Variants in MON2 observed in about 807,000 individuals in gnomAD.
MON2 encodes the protein MON2 regulator of endosome-to-Golgi trafficking.
MON2 carries 84 observed loss-of-function variants against 208.6 expected under a neutral mutation model. That is an observed-to-expected ratio of 0.40 (90% CI 0.34 to 0.48). The LOEUF (loss-of-function observed/expected upper bound fraction) is 0.48, where lower values mean the gene tolerates loss of function less well. Ranked by LOEUF, MON2 falls within the 20% of genes least tolerant of loss-of-function variation. The probability of loss-of-function intolerance (pLI) is 0.59; values close to 1 mark genes in which losing one functional copy is unlikely to be tolerated. For missense variants in MON2, 1,611 were observed against 2,015.4 expected, an observed-to-expected ratio of 0.80 and a Z score of 3.84; for synonymous variants, 660 against 694.0, an observed-to-expected ratio of 0.95 and a Z score of 0.77.
intron 19 of MON2, among the ~76,000 whole-genome samples, chr12:62,542,408 C>T (rs558385263): frequency 2.6e-5 from 4 of 152,142 alleles, no homozygotes; most frequent in East Asian, 1.9e-4. Context: ...TGAAATACCA[C>T]GCCATCCACT....
chr12:62,524,559 G>C lies in MON2; in HGVS notation c.1029G>C (p.Leu343=). The change falls in exon 9 of 35, where the codon CTG becomes CTC. Residue 343 remains leucine, a synonymous_variant. Transcript: ENST00000393630. ...EIFLSLLVKF[L]DADKPQWLRA... ...TTCTGTCACTTCTGGTGAAATTTCT[G>C]GATGCAGATAAACCACAGTGGCTAC... 6.2e-7 allele frequency: 1 copy of C among 1,613,154 alleles called. No individual in the cohort carries two copies. The highest frequency in any genetic ancestry group is 8.5e-7 in the Non-Finnish European group (1 of 1,179,280).
chr12:62,523,642 T>C (rs1406110922), intron 8 of MON2, among the ~76,000 whole-genome samples: 2 of 152,172 alleles, frequency 1.3e-5, no homozygotes, highest in South Asian at 2.1e-4. Context: ...TGAGGGCTAC[T>C]ATATTTCCCC....
Position 62,536,694 on chromosome 12 carries a change from G to GT in MON2, c.1901-444dup, listed in dbSNP as rs796857487. ...CCTCATGAAGTTTTTGTGTTTTTTT[G>GT]TTTTTTTTTTTTTGAGACAGAGTCA... On this transcript the variant is annotated intron_variant, in intron 14 of 34. Transcript: ENST00000393630. Among the ~76,000 whole-genome samples, 447 of 139,952 alleles carry GT rather than the reference G, an allele frequency of 3.2e-3. 1 individual carries two copies. The highest frequency in any genetic ancestry group is 4.3e-3 in the African/African-American group (167 of 38,472). 91.8% of individuals were successfully genotyped at this position (139,952 alleles called of 152,430 possible).
At chr12:62,502,226 G>C (rs1330105902) in intron 7 of MON2, among the ~76,000 whole-genome samples, 1 of 151,748 alleles carries the variant, frequency 6.6e-6, no homozygotes, top group East Asian at 1.9e-4. Flanking sequence ...TCTCAAAAAA[G>C]ATAAATAAAA....
At chr12:62,486,650 T>A (rs2136015337) in intron 2 of MON2, among the ~76,000 whole-genome samples, 1 of 152,276 alleles carries the variant, frequency 6.6e-6, no homozygotes, top group East Asian at 1.9e-4. Context: ...TTAGTCAGTA[T>A]ATAGTTTCTA....
intron 24 of MON2, among the ~76,000 whole-genome samples, chr12:62,553,555 C>T (rs2073840662): frequency 6.6e-6 from 1 of 152,004 alleles, no homozygotes; most frequent in African/African-American, 2.4e-5. Context: ...CTTTTGAGGT[C>T]TACTTATAGA....
intron 7 of MON2, among the ~76,000 whole-genome samples, chr12:62,506,553 C>G (rs1012255657): frequency 6.6e-6 from 1 of 151,988 alleles, no homozygotes; most frequent in Non-Finnish European, 1.5e-5. Flanking sequence ...TGGTGAAACC[C>G]CGTCTCTACT....
chr12:62,548,292 T>C (rs10444576), intron 22 of MON2, among the ~76,000 whole-genome samples: 36,089 of 151,972 alleles, frequency 0.24, 4,835 homozygotes, highest in Middle Eastern at 0.4. Flanking sequence ...AAAATAGCAA[T>C]CAGGAGTGAC....
chr12:62,553,274 C>T, intron 24 of MON2, 100 bp downstream of exon 24: 1 of 1,143,806 alleles, frequency 8.7e-7, no homozygotes, highest in Non-Finnish European at 1.2e-6. Flanking sequence ...TAAAGAATTT[C>T]CATGCATTTG....
intron 30 of MON2, among the ~76,000 whole-genome samples, chr12:62,577,718 C>T (rs1456697993): frequency 2.0e-5 from 3 of 152,052 alleles, no homozygotes; most frequent in Non-Finnish European, 2.9e-5. Flanking sequence ...GAGATTAATA[C>T]AAATAAAGCT....
At chr12:62,557,829 T>C (rs890731311) in intron 25 of MON2, among the ~76,000 whole-genome samples, 3 of 149,822 alleles carry the variant, frequency 2.0e-5, no homozygotes, top group Non-Finnish European at 4.4e-5. Flanking sequence ...TACAGTGAAA[T>C]GCACAAATTT....
chr12:62,577,320 G>T (rs2074830012), intron 30 of MON2, among the ~76,000 whole-genome samples: 1 of 151,986 alleles, frequency 6.6e-6, no homozygotes, highest in Non-Finnish European at 1.5e-5. Context: ...ATGAGAAATG[G>T]ACTGAGTCTG....
chr12:62,555,562 C>T (rs924214102), intron 24 of MON2, among the ~76,000 whole-genome samples: 1 of 152,120 alleles, frequency 6.6e-6, no homozygotes, highest in Admixed American at 6.5e-5. Flanking sequence ...GTAATCCCAA[C>T]ACTTTGGGAG....
At chr12:62,494,797 A>G (rs2070381112) in intron 3 of MON2, among the ~76,000 whole-genome samples, 1 of 152,230 alleles carries the variant, frequency 6.6e-6, no homozygotes, top group Non-Finnish European at 1.5e-5. Context: ...ATTTGTATAT[A>G]TTCAAATAGG....
rs550942698 is a variant in MON2 at position 62,552,347 on chromosome 12, C to A, written c.2917-534C>A. Among the ~76,000 whole-genome samples, 728 of 152,262 alleles carry A rather than the reference C, an allele frequency of 4.8e-3. 2 individuals carry two copies. Among genetic ancestry groups the A allele is most frequent in the Non-Finnish European group, 7.3e-3 (498 of 68,014 alleles). On this transcript the variant is annotated intron_variant, in intron 23 of 34. Coordinates refer to ENST00000393630, the MANE Select transcript of MON2 (RefSeq NM_015026.3). ...TAGTGCAACATTGCTTAAATTACTGCTGGATAGCACCTCCTTTATTTTACA... is the reference window on the plus strand; with the variant it reads ...TAGTGCAACATTGCTTAAATTACTGATGGATAGCACCTCCTTTATTTTACA...
chr12:62,523,768 C>T (rs1240812091), intron 8 of MON2, among the ~76,000 whole-genome samples: 2 of 152,148 alleles, frequency 1.3e-5, no homozygotes, highest in Non-Finnish European at 2.9e-5. Context: ...ACCATGTCAG[C>T]TTAATTTTTA....
intron 23 of MON2, 97 bp downstream of exon 23, chr12:62,549,927 A>G (rs1196688392): frequency 8.4e-6 from 6 of 712,394 alleles, no homozygotes; most frequent in African/African-American, 1.8e-5. Flanking sequence ...GCTCTTTGCA[A>G]ATTGTTTATA....
chr12:62,578,242 GTAGT>G (rs1222354797), intron 30 of MON2, among the ~76,000 whole-genome samples, 199 bp from the exon 31 acceptor site: 1 of 152,076 alleles, frequency 6.6e-6, no homozygotes, highest in African/African-American at 2.4e-5. Flanking sequence ...TAGTGTTTTT[GTAGT>G]TAGAGTATCA....
At position 62,495,017 on chromosome 12, in the gene MON2, C is replaced by G; in HGVS notation, c.305C>G (p.Thr102Ser). The G allele has an allele frequency of 6.2e-7, 1 of 1,602,288 alleles. No homozygotes were observed. Among genetic ancestry groups the G allele is most frequent in the Non-Finnish European group, 8.5e-7 (1 of 1,172,350 alleles). Reference sequence around the variant, plus strand: ...ATAATTAAAATAACTATTTTACAGACTGCAGCTGGAAATATAATTAACATG... The same window carrying G: ...ATAATTAAAATAACTATTTTACAGAGTGCAGCTGGAAATATAATTAACATG... The part of the protein sequence containing the change: ...RLMSHEVVSE[T>S]AAGNIINMLW... Residue 102 changes from threonine (T) to serine (S), a missense_variant and splice_region_variant, in exon 4 of 35, where the codon ACT becomes AGT. Physicochemically the swap from Thr to Ser is moderately conservative, Grantham distance 58 (BLOSUM62 1). Transcript: ENST00000393630.
Sources: allele counts gnomAD v4.1 joint callset (sites outside exome capture counted in the v4.1 genomes callset), GRCh38; gene constraint gnomAD v4.1.1; transcripts MANE v1.5; gene names NCBI Gene and HGNC (gene_info 2026-07-23, HGNC 2026-07-21).